The following AFF1 variants were observed in gnomAD, a reference collection of about 807,000 sequenced individuals.
AFF1 encodes the protein AF4/FMR2 family member 1.
AFF1 carries 48 observed loss-of-function variants against 121.7 expected under a neutral mutation model. That is an observed-to-expected ratio of 0.39 (90% CI 0.31 to 0.50). AFF1 has a LOEUF of 0.50. AFF1 is among the 20% of genes least tolerant of loss of function. The pLI is 0.76. For missense variants in AFF1, 1,523 were observed against 1,511.7 expected, an observed-to-expected ratio of 1.01 and a Z score of -0.12; for synonymous variants, 613 against 563.0, an observed-to-expected ratio of 1.09 and a Z score of -1.26.
intron 4 of AFF1, among the ~76,000 whole-genome samples, chr4:87,069,400 T>C (rs1182855176): frequency 3.3e-5 from 5 of 149,552 alleles, no homozygotes; most frequent in African/African-American, 1.2e-4. Context: ...TCTCCTCTCT[T>C]TTCTGTCTCT....
chr4:86,949,029 A>G (rs762727910), intron 2 of AFF1, among the ~76,000 whole-genome samples: 1 of 152,168 alleles, frequency 6.6e-6, no homozygotes, highest in Non-Finnish European at 1.5e-5. Context: ...GCCTTCTTGC[A>G]TATAGTAATT....
At chr4:87,134,720 A>G (rs1343567502) in intron 20 of AFF1, 26 bp downstream of exon 20, 2 of 1,563,554 alleles carry the variant, frequency 1.3e-6, no homozygotes. Flanking sequence ...TGTGGTGGTA[A>G]TTACTGGGGT....
chr4:87,130,172 C>G (rs965923157), intron 16 of AFF1, among the ~76,000 whole-genome samples: 1 of 151,762 alleles, frequency 6.6e-6, no homozygotes, highest in African/African-American at 2.4e-5. Context: ...GGGATTTTGC[C>G]GTGTTGGCCA....
intron 2 of AFF1, among the ~76,000 whole-genome samples, chr4:86,996,732 A>G (rs2149514243): frequency 6.6e-6 from 1 of 152,268 alleles, no homozygotes; most frequent in East Asian, 1.9e-4. Context: ...TAAAACAAAC[A>G]AACAAACAAA....
chr4:87,006,855 G>A (rs967104638), intron 2 of AFF1: 2 of 652,570 alleles, frequency 3.1e-6, no homozygotes, highest in Admixed American at 6.1e-5. Context: ...ACCCGACCCT[G>A]CCTGCCGCTT....
In AFF1 at chr4:87,105,820, C is replaced by G. The variant is rs758329909; in HGVS notation, c.1351C>G (p.Pro451Ala). 1 of 1,614,148 alleles carries G rather than the reference C, an allele frequency of 6.2e-7. No homozygotes were observed. The highest frequency in any genetic ancestry group is 2.2e-5 in the East Asian group (1 of 44,882). The change falls in exon 10 of 21, where the codon CCT (proline) becomes GCT (alanine). Residue 451 changes from proline to alanine, a missense_variant. Transcript: ENST00000395146. ...DSDSEQTPEK[P>A]PSSSAPPSAP... is the part of the protein sequence containing the mutation. The stretch of plus-strand genomic sequence containing the variant: ...TGTGAATGCCTAGACCCCAGAGAAG[C>G]CTCCCTCCTCATCTGCACCTCCAAG...
Position 86,983,233 on chromosome 4 carries a change from A to G in AFF1, c.38+34662A>G, listed in dbSNP as rs116067571. On this transcript the variant is annotated intron_variant, in intron 2 of 20. Coordinates refer to ENST00000395146, the MANE Select transcript of AFF1 (RefSeq NM_001166693.3). ...TGATGAAACCCTCTCTCTACTAAAA[A>G]TACTAAAACTAAGGCTGGGCACAGC... Among the ~76,000 whole-genome samples the G allele has an allele frequency of 2.6e-3, 392 of 152,280 alleles. 5 individuals are homozygous for G. Among genetic ancestry groups the G allele is most frequent in the African/African-American group, 8.2e-3 (342 of 41,582 alleles).
chr4:86,949,534 A>ATTATTAT, intron 2 of AFF1: 1 of 346,952 alleles, frequency 2.9e-6, no homozygotes, highest in Admixed American at 6.2e-5. Flanking sequence ...TATTATTATT[A>ATTATTAT]TTATTTTTTT....
At chr4:87,118,923 G>C (rs1727388503) in intron 12 of AFF1, among the ~76,000 whole-genome samples, 1 of 152,184 alleles carries the variant, frequency 6.6e-6, no homozygotes. Flanking sequence ...GTTCTTCTGG[G>C]GTTTATATGC....
At chr4:87,040,067 T>G (rs1729975401) in intron 2 of AFF1, among the ~76,000 whole-genome samples, 1 of 152,110 alleles carries the variant, frequency 6.6e-6, no homozygotes, top group African/African-American at 2.4e-5. Flanking sequence ...AATTTTTGTA[T>G]TTTTAGTAGA....
chr4:87,088,731 A>G (rs1042845131), intron 5 of AFF1, among the ~76,000 whole-genome samples: 8 of 151,880 alleles, frequency 5.3e-5, no homozygotes, highest in Non-Finnish European at 1.0e-4. Flanking sequence ...AGTAGCTGGG[A>G]TTACAGGCAT....
At chr4:87,001,654 A>C (rs190228048) in intron 2 of AFF1, among the ~76,000 whole-genome samples, 2 of 152,350 alleles carry the variant, frequency 1.3e-5, no homozygotes, top group East Asian at 3.9e-4. Flanking sequence ...AGGTAACCCC[A>C]GTTTAAAGAT....
At chr4:87,116,364 T>C (rs1727123390) in intron 12 of AFF1, among the ~76,000 whole-genome samples, 2 of 152,334 alleles carry the variant, frequency 1.3e-5, no homozygotes, top group Admixed American at 6.5e-5. Flanking sequence ...TGTTTGTTGC[T>C]TTTTCATGAT....
At position 87,057,645 on chromosome 4, in the gene AFF1, G is replaced by A. The variant is rs1239673052; in HGVS notation, c.1059+10051G>A. ...CAAAATGGGGAATTAGTGATGTTGG[G>A]GAGTTAGGAAGACTGATCGTATTGT... On this transcript the variant is annotated intron_variant, in intron 4 of 20. Coordinates refer to ENST00000395146, the MANE Select transcript of AFF1 (RefSeq NM_001166693.3). Among the ~76,000 whole-genome samples the A allele has an allele frequency of 4.6e-5, 7 of 152,240 alleles. 1 individual carries two copies. The highest frequency in any genetic ancestry group is 4.6e-4 in the Admixed American group (7 of 15,278).
rs536928599 is a variant in AFF1, at chr4:86,984,530, C to G, written c.38+35959C>G. On this transcript the variant is annotated intron_variant, in intron 2 of 20. Coordinates refer to ENST00000395146, the MANE Select transcript of AFF1 (RefSeq NM_001166693.3). ...GTAGAGACAGGGTTTCACCGTGTTG[C>G]CCAGGCTAGTCTCGAACTCTGAGCT... Among the ~76,000 whole-genome samples the G allele has an allele frequency of 3.6e-3, 542 of 152,104 alleles. 7 individuals are homozygous for G. The highest frequency in any genetic ancestry group is 0.013 in the African/African-American group (521 of 41,488).
intron 2 of AFF1, among the ~76,000 whole-genome samples, chr4:87,001,925 A>T (rs1216770055): frequency 1.3e-5 from 2 of 152,202 alleles, no homozygotes; most frequent in Non-Finnish European, 2.9e-5. Context: ...CTGGTTAAAC[A>T]TCATTCCATT....
At chr4:86,978,176 A>ATTTTTTTTTTTTT (rs1723449569) in intron 2 of AFF1, among the ~76,000 whole-genome samples, 1 of 22,654 alleles carries the variant, frequency 4.4e-5, no homozygotes, top group Non-Finnish European at 1.2e-4. Context: ...CATTACATTC[A>ATTTTTTTTTTTTT]CTTTTTTTTT....
chr4:86,940,583 G>A (rs112540316), intron 1 of AFF1, among the ~76,000 whole-genome samples: 4,742 of 151,988 alleles, frequency 0.031, 255 homozygotes, highest in African/African-American at 0.11. Flanking sequence ...ATTTTTAGTA[G>A]AGACGGGGTT....
intron 2 of AFF1, among the ~76,000 whole-genome samples, chr4:86,987,931 G>A (rs1449612945): frequency 8.3e-6 from 1 of 120,512 alleles, no homozygotes; most frequent in Non-Finnish European, 1.8e-5. Context: ...TCAGCTTGGG[G>A]GACAGAGTGA....
Sources: gnomAD v4.1 joint callset for allele counts (sites outside exome capture counted in the v4.1 genomes callset) on GRCh38, gnomAD v4.1.1 for gene constraint, MANE v1.5 for transcripts, NCBI Gene and HGNC (gene_info 2026-07-23, HGNC 2026-07-21) for gene names.